Variants in AMMECR1 observed in about 807,000 individuals in gnomAD.
AMMECR1 encodes nuclear protein AMMECR1.
Under a neutral mutation model 22.5 loss-of-function variants are expected in AMMECR1, and 3 were observed. That is an observed-to-expected ratio of 0.13 (90% CI 0.06 to 0.35). AMMECR1 has a LOEUF of 0.35. AMMECR1 is among the 10% of genes least tolerant of loss of function. The probability of loss-of-function intolerance (pLI) is 1.00; values close to 1 mark genes in which losing one functional copy is unlikely to be tolerated. For missense variants in AMMECR1, 235 were observed against 278.7 expected (o/e 0.84, Z 1.12); for synonymous variants, 130 against 116.7 (o/e 1.11, Z -0.74).
chrX:110,207,312 C>T (rs1218358844), intron 3 of AMMECR1, among the ~76,000 whole-genome samples: 3 of 111,493 alleles, frequency 2.7e-5, no homozygotes, highest in Non-Finnish European at 5.7e-5. Flanking sequence ...ACTTATTGCC[C>T]CACAGTTCCT....
At chrX:110,428,543 T>C (rs1297171080) in intron 1 of AMMECR1, among the ~76,000 whole-genome samples, 1 of 111,753 alleles carries the variant, frequency 8.9e-6, no homozygotes, top group Non-Finnish European at 1.9e-5. Context: ...CGTTGCTTTA[T>C]TGCAATAGCC....
chrX:110,417,417 A>C (rs936337656), intron 2 of AMMECR1, among the ~76,000 whole-genome samples: 3 of 112,528 alleles, frequency 2.7e-5, no homozygotes, highest in Admixed American at 9.3e-5. Context: ...AAGATAAGTA[A>C]AATATTGTCT....
chrX:110,309,135 A>G (rs2068012790), intron 1 of AMMECR1: 2 of 112,100 alleles, frequency 1.8e-5, no homozygotes, highest in African/African-American at 6.5e-5. Context: ...ATCACAGAAA[A>G]GAAACACACT....
At chrX:110,275,721 T>G (rs1367633350) in intron 1 of AMMECR1, among the ~76,000 whole-genome samples, 3 of 110,768 alleles carry the variant, frequency 2.7e-5, no homozygotes, top group Non-Finnish European at 5.7e-5. Context: ...TCTCAGCTAC[T>G]CAGGAGGCTG....
chrX:110,372,650 C>T (rs1170067604), intron 2 of AMMECR1, among the ~76,000 whole-genome samples: 1 of 111,785 alleles, frequency 8.9e-6, no homozygotes, highest in Non-Finnish European at 1.9e-5. Context: ...GCTAGTTTAT[C>T]TAATATTTTC....
intron 2 of AMMECR1, among the ~76,000 whole-genome samples, chrX:110,327,779 A>C (rs1014966896): frequency 8.9e-6 from 1 of 112,094 alleles, no homozygotes; most frequent in Non-Finnish European, 1.9e-5. Flanking sequence ...GATAGTCATC[A>C]CTACAGTGTT....
chrX:110,296,942 T>A (rs923877988), intron 1 of AMMECR1, among the ~76,000 whole-genome samples: 1 of 111,324 alleles, frequency 9.0e-6, no homozygotes, highest in African/African-American at 3.3e-5. Context: ...TAATTTTTTT[T>A]AGTTGAAAAC....
chrX:110,227,182 T>C (rs1048559274), intron 2 of AMMECR1, among the ~76,000 whole-genome samples: 4 of 112,170 alleles, frequency 3.6e-5, no homozygotes, highest in Non-Finnish European at 7.5e-5. Context: ...ATTCTTTTCC[T>C]TCCCTCTTTC....
At chrX:110,366,208 G>A (rs1265834754) in intron 2 of AMMECR1, among the ~76,000 whole-genome samples, 8 of 111,867 alleles carry the variant, frequency 7.2e-5, no homozygotes, top group Non-Finnish European at 1.3e-4. Context: ...TGTATTCCAT[G>A]GAGTACTAGT....
At chrX:110,233,000 G>A (rs1379957135) in intron 2 of AMMECR1, among the ~76,000 whole-genome samples, 2 of 106,359 alleles carry the variant, frequency 1.9e-5, no homozygotes, top group Admixed American at 2.0e-4. Flanking sequence ...CTGAAAGAGA[G>A]AGAGACACAC....
chrX:110,270,930 T>C, intron 1 of AMMECR1, among the ~76,000 whole-genome samples: 1 of 112,199 alleles, frequency 8.9e-6, no homozygotes, highest in Middle Eastern at 4.6e-3. Flanking sequence ...CAGCTAGGTA[T>C]TGATCTGATT....
At chrX:110,374,304 A>AC (rs202164859) in intron 2 of AMMECR1, among the ~76,000 whole-genome samples, 4,277 of 111,922 alleles carry the variant, frequency 0.038, 154 homozygotes, top group African/African-American at 0.11. Flanking sequence ...AGATTCCTAA[A>AC]ATGGAATTTC....
At chrX:110,330,238 G>A (rs1327034351) in intron 2 of AMMECR1, among the ~76,000 whole-genome samples, 1 of 110,776 alleles carries the variant, frequency 9.0e-6, no homozygotes, top group Non-Finnish European at 1.9e-5. Context: ...CCTACTTCAC[G>A]ACAAAAAAAA....
At chrX:110,384,896 T>C (rs1331572166) in intron 2 of AMMECR1, among the ~76,000 whole-genome samples, 1 of 111,104 alleles carries the variant, frequency 9.0e-6, no homozygotes, top group Non-Finnish European at 1.9e-5. Flanking sequence ...CTCTTTCTTA[T>C]TCTGTTGCCT....
intron 1 of AMMECR1, among the ~76,000 whole-genome samples, chrX:110,434,663 T>C (rs2068823155): frequency 9.0e-6 from 1 of 111,366 alleles, no homozygotes; most frequent in African/African-American, 3.3e-5. Context: ...GGGAGACAGA[T>C]GACAAGGTCT....
intron 2 of AMMECR1, among the ~76,000 whole-genome samples, chrX:110,337,476 T>C (rs1404242604): frequency 8.9e-6 from 1 of 111,757 alleles, no homozygotes; most frequent in East Asian, 2.8e-4. Context: ...GCCTCCACTT[T>C]CTACACTTGA....
intron 2 of AMMECR1, among the ~76,000 whole-genome samples, chrX:110,257,237 G>A (rs997720152): frequency 1.8e-5 from 2 of 112,221 alleles, no homozygotes; most frequent in Non-Finnish European, 3.8e-5. Flanking sequence ...CGCAGACAAT[G>A]ACTCTCAGGA....
At chrX:110,251,575 T>A (rs1602828930) in intron 2 of AMMECR1, among the ~76,000 whole-genome samples, 1 of 111,805 alleles carries the variant, frequency 8.9e-6, no homozygotes, top group South Asian at 3.7e-4. Context: ...TAGATTTTTG[T>A]CAACAAAGAT....
At chrX:110,243,130 C>G (rs1401307082) in intron 2 of AMMECR1, among the ~76,000 whole-genome samples, 1 of 111,988 alleles carries the variant, frequency 8.9e-6, no homozygotes, top group African/African-American at 3.2e-5. Flanking sequence ...GAATGTTGCT[C>G]AAAACTGAGT....
Sources: allele counts gnomAD v4.1 joint callset (sites outside exome capture counted in the v4.1 genomes callset), GRCh38; gene constraint gnomAD v4.1.1; transcripts MANE v1.5; gene names NCBI Gene and HGNC (gene_info 2026-07-23, HGNC 2026-07-21).